The following KLHL1 variants were observed in gnomAD, a reference collection of about 807,000 sequenced individuals.
KLHL1 encodes the protein kelch like family member 1.
A neutral mutation model predicts 77.7 loss-of-function variants in KLHL1; 47 were observed. That is an observed-to-expected ratio of 0.60 (90% CI 0.48 to 0.77). The LOEUF is 0.77. KLHL1 is among the 30% of genes least tolerant of loss of function. The pLI, the probability that KLHL1 is intolerant of heterozygous loss-of-function variation, is 0.00. For missense variants in KLHL1, 925 were observed against 910.8 expected (o/e 1.02, Z -0.20); for synonymous variants, 360 against 325.2 (o/e 1.11, Z -1.15).
chr13:69,963,985 T>A (rs980194072), intron 2 of KLHL1, among the ~76,000 whole-genome samples: 1 of 152,136 alleles, frequency 6.6e-6, no homozygotes, highest in Non-Finnish European at 1.5e-5. Context: ...TGATTTTTTT[T>A]GAACTTGAAA....
intron 7 of KLHL1, among the ~76,000 whole-genome samples, chr13:69,758,008 A>G (rs913186896): frequency 4.0e-5 from 6 of 151,166 alleles, no homozygotes; most frequent in Non-Finnish European, 8.8e-5. Context: ...AATAACTATC[A>G]TTCATTTAGC....
At chr13:69,994,154 C>T (rs189908423) in intron 1 of KLHL1, among the ~76,000 whole-genome samples, 22 of 152,106 alleles carry the variant, frequency 1.4e-4, no homozygotes, top group Admixed American at 7.9e-4. Flanking sequence ...CTAGTAGCAT[C>T]GGGACAAGCA....
chr13:69,942,397 T>C (rs1883390950), intron 3 of KLHL1, among the ~76,000 whole-genome samples: 1 of 152,112 alleles, frequency 6.6e-6, no homozygotes, highest in Non-Finnish European at 1.5e-5. Context: ...AGTATATTAT[T>C]GCCAGTTTGT....
intron 7 of KLHL1, among the ~76,000 whole-genome samples, chr13:69,792,084 C>T (rs1328608388): frequency 6.6e-6 from 1 of 152,012 alleles, no homozygotes; most frequent in Admixed American, 6.6e-5. Flanking sequence ...ATGTAACAAA[C>T]CTGCACATCC....
At chr13:69,912,439 T>C (rs1465252969) in intron 4 of KLHL1, among the ~76,000 whole-genome samples, 1 of 152,234 alleles carries the variant, frequency 6.6e-6, no homozygotes. Flanking sequence ...GCACTACTCC[T>C]TGCAATGACA....
chr13:69,760,511 A>T (rs1874971319), intron 7 of KLHL1, among the ~76,000 whole-genome samples: 1 of 151,920 alleles, frequency 6.6e-6, no homozygotes, highest in South Asian at 2.1e-4. Flanking sequence ...ATGTACCACC[A>T]CACCCGGCTA....
chr13:69,764,359 C>T (rs963109118), intron 7 of KLHL1, among the ~76,000 whole-genome samples: 8 of 152,156 alleles, frequency 5.3e-5, no homozygotes, highest in Non-Finnish European at 1.0e-4. Context: ...TATTCAACCA[C>T]ATGGCAGAAT....
chr13:69,968,196 T>C (rs992935850), intron 2 of KLHL1, among the ~76,000 whole-genome samples: 10 of 151,914 alleles, frequency 6.6e-5, no homozygotes, highest in Non-Finnish European at 1.0e-4. Context: ...AGATTAACAC[T>C]CCCAGAAGGC....
At chr13:69,810,435 G>T (rs1040444554) in intron 6 of KLHL1, among the ~76,000 whole-genome samples, 2 of 152,014 alleles carry the variant, frequency 1.3e-5, no homozygotes, top group African/African-American at 4.8e-5. Flanking sequence ...GCCCCTGAAT[G>T]ACTTTTGGTT....
intron 7 of KLHL1, among the ~76,000 whole-genome samples, chr13:69,768,533 T>C (rs758006190): frequency 1.3e-5 from 2 of 152,082 alleles, no homozygotes; most frequent in Non-Finnish European, 2.9e-5. Flanking sequence ...ATGTTAAAGA[T>C]GTGGAAAGGG....
At chr13:70,104,803 T>A (rs373300525) in intron 1 of KLHL1, among the ~76,000 whole-genome samples, 23 of 152,150 alleles carry the variant, frequency 1.5e-4, no homozygotes, top group East Asian at 1.4e-3. Flanking sequence ...CAGAAAAAAA[T>A]TAAATCCACA....
At chr13:70,010,180 G>GT (rs941426022) in intron 1 of KLHL1, among the ~76,000 whole-genome samples, 1 of 152,116 alleles carries the variant, frequency 6.6e-6, no homozygotes, top group Non-Finnish European at 1.5e-5. Flanking sequence ...GTAGGCCTAG[G>GT]TAAGAATTTG....
intron 4 of KLHL1, among the ~76,000 whole-genome samples, chr13:69,889,591 G>A (rs1222137852): frequency 1.3e-5 from 2 of 151,984 alleles, no homozygotes; most frequent in Non-Finnish European, 2.9e-5. Flanking sequence ...CTCTTAAGGT[G>A]CTCACCTGGA....
chr13:69,882,549 T>C (rs1881042616), intron 4 of KLHL1, 54 bp from the exon 5 acceptor site: 1 of 1,247,676 alleles, frequency 8.0e-7, no homozygotes, highest in Non-Finnish European at 1.2e-6. Flanking sequence ...ATTTAGCTAG[T>C]AAAGCATTTC....
intron 8 of KLHL1, among the ~76,000 whole-genome samples, chr13:69,723,975 C>A (rs558102825): frequency 2.0e-5 from 3 of 151,706 alleles, no homozygotes; most frequent in South Asian, 4.2e-4. Flanking sequence ...GTAGCTGGGA[C>A]TACAGGTGCC....
intron 3 of KLHL1, among the ~76,000 whole-genome samples, chr13:69,948,807 A>C (rs1593978260): frequency 1.3e-5 from 2 of 151,960 alleles, no homozygotes; most frequent in East Asian, 3.9e-4. Flanking sequence ...TGTTATATTG[A>C]AAATGTATAT....
intron 1 of KLHL1, among the ~76,000 whole-genome samples, chr13:69,998,074 A>G (rs563020365): frequency 3.8e-4 from 58 of 152,132 alleles, no homozygotes; most frequent in Non-Finnish European, 7.5e-4. Context: ...AGAAAAAGGC[A>G]CAAGTTTTGA....
At chr13:69,831,050 A>G (rs1878740164) in intron 6 of KLHL1, among the ~76,000 whole-genome samples, 1 of 149,382 alleles carries the variant, frequency 6.7e-6, no homozygotes, top group East Asian at 1.9e-4. Context: ...CTAGAGAAAC[A>G]AGAACAAATC....
Position 69,977,039 on chromosome 13 carries a change from C to G in KLHL1, c.498-1237G>C, listed in dbSNP as rs148967426. Among the ~76,000 whole-genome samples, 282 of 152,174 alleles carry G rather than the reference C, an allele frequency of 1.9e-3. 1 individual carries two copies. Among genetic ancestry groups the G allele is most frequent in the Non-Finnish European group, 3.2e-3 (219 of 67,968 alleles). ...CCTAGAGTTGTATCAGTGAAAATCT[C>G]TGATTTCATTAAGCTGAACTTTTAA... On this transcript the variant is annotated intron_variant, in intron 1 of 10. Coordinates refer to ENST00000377844, the MANE Select transcript of KLHL1 (RefSeq NM_020866.3).
Sources: allele counts gnomAD v4.1 joint callset (sites outside exome capture counted in the v4.1 genomes callset), GRCh38; gene constraint gnomAD v4.1.1; transcripts MANE v1.5; gene names NCBI Gene and HGNC (gene_info 2026-07-23, HGNC 2026-07-21).